Variants in FAT4 observed in about 807,000 individuals in gnomAD.
The protein encoded by FAT4 is protocadherin Fat 4.
In FAT4, 84 loss-of-function variants were observed where a neutral mutation model predicts 303.9. That is an observed-to-expected ratio of 0.28 (90% CI 0.23 to 0.33). The LOEUF (loss-of-function observed/expected upper bound fraction) is 0.33. Ranked by LOEUF, FAT4 falls within the 10% of genes least tolerant of loss-of-function variation. The probability of loss-of-function intolerance (pLI) is 1.00; values close to 1 mark genes in which losing one functional copy is unlikely to be tolerated. For synonymous variants in FAT4, 2,307 were observed against 2,298.8 expected (o/e 1.00, Z -0.10); for missense variants, 6,005 against 6,146.8 (o/e 0.98, Z 0.77).
intron 2 of FAT4, among the ~76,000 whole-genome samples, chr4:125,396,781 G>C (rs1297843037): frequency 6.6e-6 from 1 of 151,894 alleles, no homozygotes; most frequent in Non-Finnish European, 1.5e-5. Context: ...GTTGAATTAT[G>C]ATGCATTCAG....
intron 2 of FAT4, among the ~76,000 whole-genome samples, chr4:125,342,614 A>G (rs1323862443): frequency 6.6e-6 from 1 of 151,944 alleles, no homozygotes. Context: ...TAAAAATACA[A>G]TTTAAATTTA....
chr4:125,490,030 T>C lies in FAT4; in HGVS notation c.13214T>C (p.Ile4405Thr). The change falls in exon 18 of 18, where the codon ATT becomes ACT. Residue 4405 changes from isoleucine to threonine, a missense_variant. Coordinates refer to ENST00000394329, the MANE Select transcript of FAT4 (RefSeq NM_001291303.3). ...SVKIGCRGPN[I>T]CASNPCWGDL... ...AAGATTGGCTGCCGTGGCCCGAACA[T>C]TTGTGCCAGCAACCCCTGCTGGGGT... The C allele has an allele frequency of 1.2e-6, 2 of 1,613,884 alleles. No individual in the cohort carries two copies. The highest frequency in any genetic ancestry group is 4.5e-5 in the East Asian group (2 of 44,836).
At chr4:125,347,815 TTA>T (rs1266073851) in intron 2 of FAT4, among the ~76,000 whole-genome samples, 5 of 151,772 alleles carry the variant, frequency 3.3e-5, no homozygotes, top group Non-Finnish European at 7.4e-5. Flanking sequence ...GACCTCTGAG[TTA>T]TATGTCTGAA....
intron 7 of FAT4, among the ~76,000 whole-genome samples, chr4:125,421,454 T>G (rs1028011702): frequency 6.6e-6 from 1 of 152,236 alleles, no homozygotes; most frequent in Non-Finnish European, 1.5e-5. Flanking sequence ...AGATATATAC[T>G]TACGCAAGTA....
Position 125,319,991 on chromosome 4 carries a change from G to A in FAT4, c.3580G>A (p.Ala1194Thr), listed in dbSNP as rs775076593. 29 of 1,612,882 alleles carry A rather than the reference G, an allele frequency of 1.8e-5. 1 individual carries two copies. In the South Asian group the frequency reaches 2.6e-4, roughly 15 times the overall value. Residue 1194 changes from alanine to threonine, a missense_variant, in exon 2 of 18, where the codon GCC becomes ACC. Transcript: ENST00000394329. ...QGIPQPLKDQ[A>T]TVHVYMKDIN... Reference sequence around the variant, plus strand: ...GATCCCTCAGCCTCTCAAGGATCAGGCCACTGTACATGTTTACATGAAGGA... The same window carrying A: ...GATCCCTCAGCCTCTCAAGGATCAGACCACTGTACATGTTTACATGAAGGA...
chr4:125,427,802 G>T (rs1231620493), intron 7 of FAT4, among the ~76,000 whole-genome samples: 1 of 152,272 alleles, frequency 6.6e-6, no homozygotes, highest in East Asian at 1.9e-4. Context: ...CAAAGCAACA[G>T]AATTAAGTTA....
chr4:125,333,054 C>T (rs576821487), intron 2 of FAT4, among the ~76,000 whole-genome samples: 2 of 151,752 alleles, frequency 1.3e-5, no homozygotes, highest in South Asian at 2.1e-4. Context: ...AGTATATATA[C>T]AACAAAGAGA....
At chr4:125,454,316 G>T (rs1726203723) in intron 10 of FAT4, among the ~76,000 whole-genome samples, 1 of 152,162 alleles carries the variant, frequency 6.6e-6, no homozygotes, top group Admixed American at 6.5e-5. Flanking sequence ...AACAGAACAT[G>T]CAGTCTTTGC....
At chr4:125,427,909 T>C (rs1274090588) in intron 7 of FAT4, among the ~76,000 whole-genome samples, 1 of 152,244 alleles carries the variant, frequency 6.6e-6, no homozygotes, top group Non-Finnish European at 1.5e-5. Context: ...TCCTGACATT[T>C]GAACTTCAAT....
At chr4:125,427,135 C>T (rs1383493545) in intron 7 of FAT4, among the ~76,000 whole-genome samples, 2 of 151,590 alleles carry the variant, frequency 1.3e-5, no homozygotes, top group African/African-American at 4.8e-5. Context: ...AGTAATTCCT[C>T]ATATGTGCTT....
intron 7 of FAT4, among the ~76,000 whole-genome samples, chr4:125,428,753 G>C (rs1349948234): frequency 6.6e-6 from 1 of 151,952 alleles, no homozygotes; most frequent in African/African-American, 2.4e-5. Context: ...ACTACTAATT[G>C]TAATTAGGTT....
intron 3 of FAT4, among the ~76,000 whole-genome samples, chr4:125,403,662 C>T (rs1560801054): frequency 6.6e-6 from 1 of 152,108 alleles, no homozygotes; most frequent in East Asian, 1.9e-4. Flanking sequence ...CCTAAATACA[C>T]CGCAAATAAA....
Position 125,490,282 on chromosome 4 carries a change from A to G in FAT4, c.13466A>G (p.His4489Arg), listed in dbSNP as rs1727573864. Residue 4489 changes from histidine (H) to arginine (R), a missense_variant, in exon 18 of 18, where the codon CAT becomes CGT. By Grantham distance (29) the His-to-Arg change is conservative. Transcript: ENST00000394329. Reference protein sequence around the residue: ...KVCKAGSPAGHVCVLSQGPEE... With the variant: ...KVCKAGSPAGRVCVLSQGPEE... ...TGCAAAGCTGGAAGTCCTGCGGGGC[A>G]TGTCTGTGTTCTGAGTCAGGGCCCT... is the stretch of plus-strand genomic sequence containing the variant. 1 of 1,613,938 alleles carries G rather than the reference A, an allele frequency of 6.2e-7. No homozygotes were observed. Among genetic ancestry groups the G allele is most frequent in the Non-Finnish European group, 8.5e-7 (1 of 1,180,020 alleles).
At chr4:125,385,026 T>A (rs76292339) in intron 2 of FAT4, among the ~76,000 whole-genome samples, 492 of 52,818 alleles carry the variant, frequency 9.3e-3, no homozygotes, top group Middle Eastern at 0.022. Context: ...ATATATATAT[T>A]TTTTTTTTTT....
chr4:125,469,693 C>T (rs570366438), intron 12 of FAT4, among the ~76,000 whole-genome samples: 1 of 152,304 alleles, frequency 6.6e-6, no homozygotes, highest in South Asian at 2.1e-4. Context: ...ATCACATCTT[C>T]GGGCTTCACT....
chr4:125,440,580 C>CT (rs1028621330), intron 8 of FAT4, among the ~76,000 whole-genome samples: 2 of 87,358 alleles, frequency 2.3e-5, no homozygotes, highest in African/African-American at 1.1e-4. Flanking sequence ...TTTCTCAGTA[C>CT]TTGTGTGTGT....
At chr4:125,458,077 TATAAC>T (rs1456093673) in intron 10 of FAT4, among the ~76,000 whole-genome samples, 4 of 151,598 alleles carry the variant, frequency 2.6e-5, no homozygotes, top group African/African-American at 4.8e-5. Flanking sequence ...CTGGCTATCT[TATAAC>T]ATAATTAGTT....
chr4:125,356,213 A>G (rs916602009), intron 2 of FAT4, among the ~76,000 whole-genome samples: 3 of 151,996 alleles, frequency 2.0e-5, no homozygotes, highest in African/African-American at 4.8e-5. Flanking sequence ...TGAGAAGAGC[A>G]AAGTTGCCTA....
chr4:125,486,369 C>T (rs193043190), intron 16 of FAT4, among the ~76,000 whole-genome samples: 5 of 151,658 alleles, frequency 3.3e-5, no homozygotes, highest in Admixed American at 2.0e-4. Flanking sequence ...GACATCTTTT[C>T]GGTAAAGTAC....
Sources: allele counts gnomAD v4.1 joint callset (sites outside exome capture counted in the v4.1 genomes callset), GRCh38; gene constraint gnomAD v4.1.1; transcripts MANE v1.5; gene names NCBI Gene and HGNC (gene_info 2026-07-23, HGNC 2026-07-21).